The following ASIC2 variants were observed in gnomAD, a reference collection of about 807,000 sequenced individuals.
The protein encoded by ASIC2 is acid sensing ion channel subunit 2.
Under a neutral mutation model 57.3 loss-of-function variants are expected in ASIC2, and 25 were observed. That is an observed-to-expected ratio of 0.44 (90% CI 0.32 to 0.61). The LOEUF is 0.61. Ranked by LOEUF, ASIC2 falls within the 20% of genes least tolerant of loss-of-function variation. The pLI, the probability that ASIC2 is intolerant of heterozygous loss-of-function variation, is 0.06. For missense variants in ASIC2, 641 were observed against 738.1 expected, an observed-to-expected ratio of 0.87 and a Z score of 1.52; for synonymous variants, 319 against 307.5, an observed-to-expected ratio of 1.04 and a Z score of -0.39.
rs77848866 is a variant in ASIC2, at chr17:33,710,294, A to G, written c.555+445684T>C. Among the ~76,000 whole-genome samples, 10 of 152,324 alleles carry G rather than the reference A, an allele frequency of 6.6e-5. No homozygotes were observed. In the East Asian group the frequency reaches 1.9e-3, roughly 29 times the overall value. Reference sequence around the variant, plus strand: ...ATCCATCTAGTCACTCTTTTATTCAACAAATAGTTACTGACCATCTATTAT... The same window carrying G: ...ATCCATCTAGTCACTCTTTTATTCAGCAAATAGTTACTGACCATCTATTAT... On this transcript the variant is annotated intron_variant, in intron 1 of 9. Coordinates refer to the ASIC2 transcript ENST00000359872.
intron 1 of ASIC2, among the ~76,000 whole-genome samples, chr17:33,997,020 G>C (rs1421713381): frequency 6.6e-6 from 1 of 152,018 alleles, no homozygotes; most frequent in African/African-American, 2.4e-5. Flanking sequence ...TGTGTCTTCA[G>C]TTCCTTTATC....
chr17:33,064,179 C>G (rs1032676596), intron 3 of ASIC2, among the ~76,000 whole-genome samples: 1 of 152,218 alleles, frequency 6.6e-6, no homozygotes, highest in Non-Finnish European at 1.5e-5. Context: ...CATTCTCCAT[C>G]GAGCTTTGTT....
chr17:33,242,084 C>T lies in ASIC2; in HGVS notation c.708+49324G>A, dbSNP rs543044751. The stretch of plus-strand genomic sequence containing the variant: ...CTGTAATCCCAGCACTTTGGGAGGC[C>T]GAGGCAGGCAGATCACGAGGTCGGG... On this transcript the variant is annotated intron_variant, in intron 1 of 9. Coordinates refer to ENST00000225823, the MANE Select transcript of ASIC2 (RefSeq NM_183377.2). Among the ~76,000 whole-genome samples the T allele has an allele frequency of 3.3e-5, 5 of 152,198 alleles. No individual in the cohort carries two copies. The South Asian group carries it at 8.3e-4, about 25-fold the overall frequency.
intron 1 of ASIC2, among the ~76,000 whole-genome samples, chr17:33,833,370 C>A (rs978480118): frequency 6.6e-6 from 1 of 151,994 alleles, no homozygotes; most frequent in Non-Finnish European, 1.5e-5. Flanking sequence ...CCCAGAGAAC[C>A]AAAGAAGAAG....
chr17:33,785,836 T>C (rs954337199), intron 1 of ASIC2, among the ~76,000 whole-genome samples: 9 of 152,194 alleles, frequency 5.9e-5, no homozygotes, highest in African/African-American at 2.2e-4. Context: ...TTCAGGAAGA[T>C]GGCAAGACCA....
intron 1 of ASIC2, among the ~76,000 whole-genome samples, chr17:34,144,235 C>T (rs564790401): frequency 1.3e-5 from 2 of 152,302 alleles, no homozygotes; most frequent in Non-Finnish European, 2.9e-5. Flanking sequence ...GCCTGGGATA[C>T]AGTATGTGCT....
At position 33,244,866 on chromosome 17, in the gene ASIC2, T is replaced by C. The variant is rs117874147; in HGVS notation, c.708+46542A>G. ...CCTGTTAAAACAAGGTGGCACATGTTGGGAGTAAGAGGAACAGGATAGGGA... is the reference window on the plus strand; with the variant it reads ...CCTGTTAAAACAAGGTGGCACATGTCGGGAGTAAGAGGAACAGGATAGGGA... On this transcript the variant is annotated intron_variant, in intron 1 of 9. Transcript: ENST00000225823. Among the ~76,000 whole-genome samples, 609 of 152,294 alleles carry C rather than the reference T, an allele frequency of 4.0e-3. 3 individuals carry two copies. Among genetic ancestry groups the C allele is most frequent in the Non-Finnish European group, 6.6e-3 (446 of 68,034 alleles).
intron 1 of ASIC2, among the ~76,000 whole-genome samples, chr17:33,952,217 C>A (rs1485868691): frequency 6.6e-6 from 1 of 152,040 alleles, no homozygotes; most frequent in East Asian, 1.9e-4. Flanking sequence ...GGTGCTCATT[C>A]TAATATGCTT....
intron 1 of ASIC2, among the ~76,000 whole-genome samples, chr17:33,866,133 T>A (rs1298488937): frequency 6.6e-6 from 1 of 152,206 alleles, no homozygotes; most frequent in Non-Finnish European, 1.5e-5. Context: ...TAATAATTGA[T>A]TTATCCATTC....
chr17:33,851,832 A>G (rs1321503197), intron 1 of ASIC2, among the ~76,000 whole-genome samples: 1 of 152,242 alleles, frequency 6.6e-6, no homozygotes, highest in East Asian at 1.9e-4. Flanking sequence ...TCAGTCTTTT[A>G]GGAACCTCAG....
chr17:34,052,589 C>G (rs1908609979), intron 1 of ASIC2, among the ~76,000 whole-genome samples: 1 of 151,888 alleles, frequency 6.6e-6, no homozygotes, highest in Non-Finnish European at 1.5e-5. Context: ...TTCCTCATCC[C>G]TAGTAAATAA....
At chr17:33,098,046 G>GGTGACCTCAGGCACGTTAAATTGCCCC (rs1319327379) in intron 2 of ASIC2, among the ~76,000 whole-genome samples, 2 of 152,092 alleles carry the variant, frequency 1.3e-5, no homozygotes, top group African/African-American at 4.8e-5. Context: ...CTAATTGCCG[G>GGTGACCTCAGGCACGTTAAATTGCCCC]GTGACCTCAG....
At chr17:33,118,036 C>T (rs2092287716) in intron 1 of ASIC2, among the ~76,000 whole-genome samples, 2 of 152,148 alleles carry the variant, frequency 1.3e-5, no homozygotes, top group Non-Finnish European at 2.9e-5. Context: ...AATGGGATTC[C>T]TGGGGGCCAA....
intron 1 of ASIC2, among the ~76,000 whole-genome samples, chr17:33,446,740 G>T (rs542183404): frequency 6.6e-6 from 1 of 152,244 alleles, no homozygotes; most frequent in African/African-American, 2.4e-5. Context: ...GAATGGACTA[G>T]GTGTGCAATA....
At chr17:33,215,420 G>A (rs1379000099) in intron 1 of ASIC2, among the ~76,000 whole-genome samples, 2 of 152,178 alleles carry the variant, frequency 1.3e-5, no homozygotes, top group African/African-American at 4.8e-5. Context: ...AGAAGAATGA[G>A]TTGTAATTTA....
intron 1 of ASIC2, among the ~76,000 whole-genome samples, chr17:33,655,877 C>T (rs1275770020): frequency 2.6e-5 from 4 of 152,098 alleles, no homozygotes; most frequent in African/African-American, 9.7e-5. Flanking sequence ...AGTTTTCTTC[C>T]TTTTAAGCTT....
In ASIC2 at chr17:34,110,787, G is replaced by A. The variant is rs192754919; in HGVS notation, c.555+45191C>T. Among the ~76,000 whole-genome samples the A allele has an allele frequency of 1.4e-3, 210 of 152,278 alleles. 1 individual carries two copies. The highest frequency in any genetic ancestry group is 5.0e-3 in the African/African-American group (206 of 41,558). ...AAGGGGATTTGATTAGTCAGATATGGCTTACCTATAAGCCTTGCTGGCCCT... is the reference window on the plus strand; with the variant it reads ...AAGGGGATTTGATTAGTCAGATATGACTTACCTATAAGCCTTGCTGGCCCT... On this transcript the variant is annotated intron_variant, in intron 1 of 9. Coordinates refer to the ASIC2 transcript ENST00000359872.
intron 1 of ASIC2, among the ~76,000 whole-genome samples, chr17:33,783,386 T>C (rs1258746957): frequency 6.6e-6 from 1 of 152,234 alleles, no homozygotes; most frequent in Non-Finnish European, 1.5e-5. Flanking sequence ...ATGGAGATAG[T>C]GATTGCACTT....
chr17:33,842,650 T>C (rs1401831979), intron 1 of ASIC2, among the ~76,000 whole-genome samples: 2 of 152,116 alleles, frequency 1.3e-5, no homozygotes, highest in Non-Finnish European at 2.9e-5. Context: ...GAGGAGGTGA[T>C]TGTCTTGTCC....
Sources: allele counts gnomAD v4.1 joint callset (sites outside exome capture counted in the v4.1 genomes callset), GRCh38; gene constraint gnomAD v4.1.1; transcripts MANE v1.5; gene names NCBI Gene and HGNC (gene_info 2026-07-23, HGNC 2026-07-21).